The following MICAL3 variants were observed in gnomAD, a reference collection of about 807,000 sequenced individuals.
MICAL3 encodes microtubule associated monooxygenase, calponin and LIM domain containing 3, also known as [F-actin]-monooxygenase MICAL3.
A neutral mutation model predicts 207.4 loss-of-function variants in MICAL3; 62 were observed. That is an observed-to-expected ratio of 0.30 (90% CI 0.24 to 0.37). The LOEUF (loss-of-function observed/expected upper bound fraction) is 0.37. Among genes scored for constraint, MICAL3 ranks in the 10% least tolerant of loss-of-function variants. The probability of loss-of-function intolerance (pLI) is 1.00; values close to 1 mark genes in which losing one functional copy is unlikely to be tolerated. For missense variants in MICAL3, 2,368 were observed against 2,635.6 expected (o/e 0.90, Z 2.22); for synonymous variants, 1,077 against 1,069.3 (o/e 1.01, Z -0.14).
At chr22:18,021,488 G>C (rs1005084087) in intron 1 of MICAL3, among the ~76,000 whole-genome samples, 4 of 152,234 alleles carry the variant, frequency 2.6e-5, no homozygotes, top group African/African-American at 9.6e-5. Flanking sequence ...GGGAGGCCCA[G>C]GTGAAATGAA....
rs1239987237 is a variant in MICAL3 at position 17,872,024 on chromosome 22, CT to C, written c.2242-2del. On this transcript the variant is annotated splice_acceptor_variant, in intron 16 of 31. Coordinates refer to ENST00000441493, the MANE Select transcript of MICAL3 (RefSeq NM_015241.3). LOFTEE classifies it high-confidence loss of function. ...GCGGGAACTCCTTCTTCATGGAGCC[CT>C]GCAGGAGGTGGCGGTCGGGAGGAAG... is the stretch of plus-strand genomic sequence containing the variant. 1 of 1,598,978 alleles carries C rather than the reference CT, an allele frequency of 6.3e-7. No homozygotes were observed. Among genetic ancestry groups the C allele is most frequent in the Non-Finnish European group, 8.5e-7 (1 of 1,172,992 alleles).
chr22:18,018,138 T>G (rs944540320), intron 1 of MICAL3, among the ~76,000 whole-genome samples: 1 of 152,016 alleles, frequency 6.6e-6, no homozygotes, highest in Non-Finnish European at 1.5e-5. Context: ...CCTCCCAAAT[T>G]GCTGGGATTA....
chr22:17,808,000 TG>T (rs1372156118), intron 29 of MICAL3, among the ~76,000 whole-genome samples: 1 of 152,248 alleles, frequency 6.6e-6, no homozygotes. Flanking sequence ...TGTGGATGTT[TG>T]AGAAGGCAGA....
At chr22:17,899,225 G>GT (rs1931121039) in intron 7 of MICAL3, 1 of 608,784 alleles carries the variant, frequency 1.6e-6, no homozygotes, top group Admixed American at 2.2e-5. Flanking sequence ...CGGTAGGTAC[G>GT]TGAGGGTTCA....
intron 19 of MICAL3, chr22:17,864,441 C>T: frequency 7.1e-7 from 1 of 1,413,024 alleles, no homozygotes; most frequent in Non-Finnish European, 9.2e-7. Flanking sequence ...GGGGCTTAAT[C>T]AACACAGCTC....
intron 1 of MICAL3, among the ~76,000 whole-genome samples, chr22:17,959,880 T>G (rs529565492): frequency 6.6e-6 from 1 of 152,172 alleles, no homozygotes; most frequent in East Asian, 1.9e-4. Flanking sequence ...AGACAGACCT[T>G]ATAAGGCAAG....
At chr22:17,981,163 TAATA>T (rs762940947) in intron 1 of MICAL3, among the ~76,000 whole-genome samples, 3 of 152,216 alleles carry the variant, frequency 2.0e-5, no homozygotes, top group Non-Finnish European at 2.9e-5. Flanking sequence ...TACAATACAG[TAATA>T]AATATATATC....
chr22:18,023,917 C>T (rs958439164), intron 1 of MICAL3, among the ~76,000 whole-genome samples: 1 of 152,206 alleles, frequency 6.6e-6, no homozygotes, highest in Non-Finnish European at 1.5e-5. Context: ...TGGCCTACCT[C>T]GGGGGTGCCT....
At chr22:17,884,843 C>T (rs949489013) in intron 16 of MICAL3, among the ~76,000 whole-genome samples, 3 of 152,088 alleles carry the variant, frequency 2.0e-5, no homozygotes, top group Admixed American at 2.0e-4. Context: ...AAAAGACTGG[C>T]GTGCAAAGAC....
chr22:17,916,944 T>A (rs752016579), intron 1 of MICAL3, among the ~76,000 whole-genome samples: 17 of 152,220 alleles, frequency 1.1e-4, no homozygotes, highest in Non-Finnish European at 1.6e-4. Flanking sequence ...ATTTAATTTT[T>A]AAAAAATGTT....
rs527357182 is a variant in MICAL3, at chr22:17,825,153, C to T, written c.3194-2093G>A. 9.2e-5 allele frequency among the ~76,000 whole-genome samples: 14 copies of T among 152,318 alleles called. No homozygotes were observed. In the East Asian group the frequency reaches 2.1e-3, roughly 23 times the overall value. The stretch of plus-strand genomic sequence containing the variant: ...CCCGCCCTGGTGCCTGGGTCCTTCA[C>T]GCGGCTCTCCTGTAGACTTTCTATT... On this transcript the variant is annotated intron_variant, in intron 22 of 31. Transcript: ENST00000441493.
At chr22:17,916,079 A>C (rs1932492341) in intron 1 of MICAL3, among the ~76,000 whole-genome samples, 1 of 147,276 alleles carries the variant, frequency 6.8e-6, no homozygotes, top group Admixed American at 6.7e-5. Flanking sequence ...AAAAAAAAAA[A>C]ACCCAAAAAG....
chr22:17,821,943 A>C, intron 24 of MICAL3, 87 bp downstream of exon 24: 1 of 1,526,212 alleles, frequency 6.6e-7, no homozygotes, highest in South Asian at 1.2e-5. Context: ...CTCTGCTCTG[A>C]AGCGCCTGGC....
intron 1 of MICAL3, among the ~76,000 whole-genome samples, chr22:17,986,263 G>A (rs996287760): frequency 6.6e-6 from 1 of 152,174 alleles, no homozygotes; most frequent in Non-Finnish European, 1.5e-5. Context: ...GCTTATGCGT[G>A]TAATCCCAGC....
At chr22:17,951,619 C>A (rs1934352309) in intron 1 of MICAL3, among the ~76,000 whole-genome samples, 1 of 151,978 alleles carries the variant, frequency 6.6e-6, no homozygotes, top group Non-Finnish European at 1.5e-5. Context: ...GCCATGAAAT[C>A]AAACAGTCTT....
intron 1 of MICAL3, among the ~76,000 whole-genome samples, chr22:18,020,913 CAAATAAATAAAT>C (rs200685200): frequency 0.015 from 1,956 of 134,238 alleles, 30 homozygotes; most frequent in East Asian, 0.081. Flanking sequence ...GACCCTGTCT[CAAATAAATAAAT>C]AAATAAATAA....
chr22:17,832,162 G>T, intron 20 of MICAL3, 55 bp from the exon 21 acceptor site: 1 of 1,533,542 alleles, frequency 6.5e-7, no homozygotes, highest in Non-Finnish European at 8.8e-7. Context: ...AACTGAGAAG[G>T]GGAAGGGGAA....
chr22:17,879,470 T>C (rs1929215343), intron 16 of MICAL3: 3 of 1,378,522 alleles, frequency 2.2e-6, no homozygotes, highest in Non-Finnish European at 3.0e-6. Flanking sequence ...TAAACGACAG[T>C]GGGAAATTCA....
At chr22:18,020,451 G>A (rs1198264656) in intron 1 of MICAL3, among the ~76,000 whole-genome samples, 1 of 151,228 alleles carries the variant, frequency 6.6e-6, no homozygotes, top group Non-Finnish European at 1.5e-5. Context: ...ATGACCAAGA[G>A]TTTTATCGGC....
Sources: allele counts gnomAD v4.1 joint callset (sites outside exome capture counted in the v4.1 genomes callset), GRCh38; gene constraint gnomAD v4.1.1; transcripts MANE v1.5; gene names NCBI Gene and HGNC (gene_info 2026-07-23, HGNC 2026-07-21).